The following FAT3 variants were observed in gnomAD, a reference collection of about 807,000 sequenced individuals.
FAT3 encodes the protein FAT atypical cadherin 3.
In FAT3, 95 loss-of-function variants were observed where a neutral mutation model predicts 310.2. That is an observed-to-expected ratio of 0.31 (90% CI 0.26 to 0.36). The LOEUF (loss-of-function observed/expected upper bound fraction) is 0.36. FAT3 is among the 10% of genes least tolerant of loss of function. The pLI is 1.00. For synonymous variants in FAT3, 2,314 were observed against 2,192.9 expected (o/e 1.06, Z -1.54); for missense variants, 5,408 against 5,715.6 (o/e 0.95, Z 1.74).
At chr11:92,255,499 T>C (rs1865284534) in intron 1 of FAT3, among the ~76,000 whole-genome samples, 1 of 152,030 alleles carries the variant, frequency 6.6e-6, no homozygotes, top group Admixed American at 6.6e-5. Context: ...GAATGACTGA[T>C]TGAATCACTG....
At chr11:92,334,077 T>G (rs983153801) in intron 1 of FAT3, among the ~76,000 whole-genome samples, 1 of 152,170 alleles carries the variant, frequency 6.6e-6, no homozygotes, top group African/African-American at 2.4e-5. Context: ...GAAGGGAGAC[T>G]AATGACTTAA....
At chr11:92,456,938 G>T (rs899859864) in intron 2 of FAT3, among the ~76,000 whole-genome samples, 4 of 152,172 alleles carry the variant, frequency 2.6e-5, no homozygotes, top group African/African-American at 9.7e-5. Context: ...ATGATCATGG[G>T]TCTGTATCTT....
rs1395199934 is a variant in FAT3 at position 92,883,933 on chromosome 11, G to A, written c.12937+540G>A. On this transcript the variant is annotated intron_variant, in intron 24 of 27. Coordinates refer to ENST00000525166, the MANE Select transcript of FAT3 (RefSeq NM_001367949.2). The surrounding 1 kb of genome is among the most constrained non-coding windows in gnomAD (Gnocchi z 4.2). ...GACCATGATGAGTTAAAGAGTCTGG[G>A]GAAAGGAGGATATTCCACCGTAGGG... 6.6e-6 allele frequency among the ~76,000 whole-genome samples: 1 copy of A among 152,110 alleles called. No individual in the cohort carries two copies. The highest frequency in any genetic ancestry group is 1.5e-5 in the Non-Finnish European group (1 of 68,008).
intron 1 of FAT3, among the ~76,000 whole-genome samples, chr11:92,294,586 A>G (rs1465615971): frequency 6.6e-6 from 1 of 152,068 alleles, no homozygotes; most frequent in African/African-American, 2.4e-5. Context: ...GGTGTCATGC[A>G]GAAAAGAGGA....
intron 1 of FAT3, among the ~76,000 whole-genome samples, chr11:92,269,779 C>G (rs1282478606): frequency 6.6e-6 from 1 of 152,034 alleles, no homozygotes; most frequent in African/African-American, 2.4e-5. Flanking sequence ...GAATAAAGTC[C>G]CAAGAACTCC....
intron 10 of FAT3, 99 bp downstream of exon 10, chr11:92,802,008 G>A: frequency 8.5e-7 from 1 of 1,180,306 alleles, no homozygotes; most frequent in Non-Finnish European, 1.2e-6. Flanking sequence ...ATGGGATAAG[G>A]AGTCCAGTGT....
chr11:92,484,574 A>G (rs1952321093), intron 2 of FAT3, among the ~76,000 whole-genome samples: 1 of 152,186 alleles, frequency 6.6e-6, no homozygotes, highest in Admixed American at 6.5e-5. Flanking sequence ...GGCAAAACAG[A>G]GCTTTAAAAC....
rs193135736 is a variant in FAT3 at position 92,775,423 on chromosome 11, C to T, written c.4335+1243C>T. 3.4e-3 allele frequency among the ~76,000 whole-genome samples: 513 copies of T among 152,298 alleles called. 3 individuals are homozygous for T. Among genetic ancestry groups the T allele is most frequent in the African/African-American group, 0.012 (498 of 41,560 alleles). The stretch of plus-strand genomic sequence containing the variant: ...AATTTGAAGAAAACAATAGGGTTCA[C>T]TTTAGTACAACTCCTTTACTTTTCA... On this transcript the variant is annotated intron_variant, in intron 7 of 27. Coordinates refer to ENST00000525166, the MANE Select transcript of FAT3 (RefSeq NM_001367949.2).
rs759071664 is a variant in FAT3 at position 92,834,977 on chromosome 11, G to A, written c.9979G>A (p.Val3327Ile). 1.2e-6 allele frequency: 2 copies of A among 1,613,622 alleles called. No individual in the cohort carries two copies. Among genetic ancestry groups the A allele is most frequent in the South Asian group, 2.2e-5 (2 of 90,910 alleles). The change falls in exon 15 of 28, where the codon GTC becomes ATC. Residue 3327 changes from valine to isoleucine, a missense_variant. Transcript: ENST00000525166. ...CCCAGCTCTCAGCGCTGTGGCCACT[G>A]TCAACATCAACCTCACAGATGTTAA... ...GTPALSAVAT[V>I]NINLTDVNDN...
chr11:92,419,463 T>C (rs1447583154), intron 2 of FAT3, among the ~76,000 whole-genome samples: 1 of 152,148 alleles, frequency 6.6e-6, no homozygotes, highest in Non-Finnish European at 1.5e-5. Flanking sequence ...AATTCTGGTA[T>C]AGGATGCCTA....
chr11:92,715,611 A>C (rs1300791330), intron 4 of FAT3, among the ~76,000 whole-genome samples: 1 of 151,970 alleles, frequency 6.6e-6, no homozygotes, highest in Non-Finnish European at 1.5e-5. Flanking sequence ...AAACATAATT[A>C]TACCCAAAGT....
intron 3 of FAT3, among the ~76,000 whole-genome samples, chr11:92,684,251 A>G (rs1943567161): frequency 6.6e-6 from 1 of 152,210 alleles, no homozygotes; most frequent in Non-Finnish European, 1.5e-5. Flanking sequence ...AGTCCCAAAG[A>G]AAGACTGCTA....
intron 3 of FAT3, among the ~76,000 whole-genome samples, chr11:92,633,323 T>C (rs1484505359): frequency 6.6e-6 from 1 of 152,176 alleles, no homozygotes; most frequent in Non-Finnish European, 1.5e-5. Flanking sequence ...TTTTATCTGA[T>C]GGATGTCCCC....
intron 1 of FAT3, among the ~76,000 whole-genome samples, chr11:92,343,813 G>A (rs1450974852): frequency 1.3e-5 from 2 of 152,134 alleles, no homozygotes; most frequent in African/African-American, 4.8e-5. Context: ...TATGGTGTAG[G>A]AGGAAGGAGA....
chr11:92,453,311 A>G (rs1951408838), intron 2 of FAT3, among the ~76,000 whole-genome samples: 2 of 152,192 alleles, frequency 1.3e-5, no homozygotes, highest in South Asian at 2.1e-4. Flanking sequence ...TTAAATGTTC[A>G]TCATGTGCTG....
chr11:92,456,512 A>G (rs1200679484), intron 2 of FAT3, among the ~76,000 whole-genome samples: 1 of 152,172 alleles, frequency 6.6e-6, no homozygotes, highest in Non-Finnish European at 1.5e-5. Context: ...TTTTCTTATT[A>G]TAAAAGCAGT....
chr11:92,397,202 T>C (rs1949888743), intron 2 of FAT3, among the ~76,000 whole-genome samples: 1 of 152,200 alleles, frequency 6.6e-6, no homozygotes, highest in Admixed American at 6.5e-5. Flanking sequence ...GGTTTGGTCT[T>C]TATATATATA....
At chr11:92,860,289 T>C (rs140421341) in intron 21 of FAT3, among the ~76,000 whole-genome samples, 84 of 152,328 alleles carry the variant, frequency 5.5e-4, no homozygotes, top group African/African-American at 2.0e-3. Context: ...GTTAAGTTAT[T>C]TACCCAAAGT....
At chr11:92,617,919 T>C (rs1940890375) in intron 3 of FAT3, among the ~76,000 whole-genome samples, 2 of 152,208 alleles carry the variant, frequency 1.3e-5, no homozygotes, top group South Asian at 2.1e-4. Flanking sequence ...CCAGTTAGGC[T>C]ACTCGGGCAT....
Sources: gnomAD v4.1 joint callset for allele counts (sites outside exome capture counted in the v4.1 genomes callset) on GRCh38, gnomAD v4.1.1 for gene constraint, Gnocchi (gnomAD v3.1) non-coding constraint, MANE v1.5 for transcripts, NCBI Gene and HGNC (gene_info 2026-07-23, HGNC 2026-07-21) for gene names.